Variants in ABCC11 observed in about 807,000 individuals in gnomAD.
ABCC11 encodes ATP binding cassette subfamily C member 11.
ABCC11 carries 135 observed loss-of-function variants against 149.3 expected under a neutral mutation model. The ratio of observed to expected loss-of-function variants is 0.90; its 90% confidence interval spans 0.79 to 1.04. The LOEUF is 1.04. ABCC11 is among the 50% of genes least tolerant of loss of function. The pLI, the probability that ABCC11 is intolerant of heterozygous loss-of-function variation, is 0.00. For missense variants in ABCC11, 1,680 were observed against 1,722.1 expected (o/e 0.98, Z 0.43); for synonymous variants, 665 against 671.4 (o/e 0.99, Z 0.15).
At chr16:48,230,316 G>A in intron 3 of ABCC11, 121 bp downstream of exon 3, 2 of 1,247,756 alleles carry the variant, frequency 1.6e-6, no homozygotes, top group Admixed American at 2.9e-5. Context: ...AGGCTGCTCT[G>A]AAGGGATTTG....
intron 20 of ABCC11, among the ~76,000 whole-genome samples, chr16:48,189,839 A>C (rs1302806195): frequency 6.6e-6 from 1 of 152,174 alleles, no homozygotes; most frequent in Non-Finnish European, 1.5e-5. Flanking sequence ...CCAAAGTTGA[A>C]ACACTTCATG....
At chr16:48,171,216 C>T (rs1302136444) in intron 26 of ABCC11, among the ~76,000 whole-genome samples, 2 of 152,218 alleles carry the variant, frequency 1.3e-5, no homozygotes, top group African/African-American at 2.4e-5. Flanking sequence ...AGGGCAGGCT[C>T]CACCATCCAC....
rs1191223420 is a variant in ABCC11 at position 48,192,782 on chromosome 16, T to C, written c.2509-65A>G. The C allele has an allele frequency of 2.0e-6, 3 of 1,519,166 alleles. No individual in the cohort carries two copies. In the East Asian group the frequency reaches 6.8e-5, roughly 34 times the overall value. The allele number at this position is 1,519,166 out of a possible 1,614,324, so 94.1% of individuals were successfully genotyped here. Reference sequence around the variant, plus strand: ...GGGAAATTCAGTGGCAGGGAAAGCCTTCTCCCTGGGGCCACGTGAGAATCT... The same window carrying C: ...GGGAAATTCAGTGGCAGGGAAAGCCCTCTCCCTGGGGCCACGTGAGAATCT... On this transcript the variant is annotated intron_variant, in intron 19 of 29. Coordinates refer to ENST00000356608, the MANE Select transcript of ABCC11 (RefSeq NM_001370497.1).
Position 48,210,960 on chromosome 16 carries a change from C to T in ABCC11, c.1596G>A (p.Leu532=). Reference sequence around the variant, plus strand: ...TGAACAAGGCTACCTTGGACACCACCAGGTTGATCTTGTGCAACTCTGGGC... The same window carrying T: ...TGAACAAGGCTACCTTGGACACCACTAGGTTGATCTTGTGCAACTCTGGGC... ...SLGPELHKIN[L]VVSKGMMLGV... Residue 532 remains leucine, a synonymous_variant, in exon 11 of 30, where the codon CTG becomes CTA. Coordinates refer to ENST00000356608, the MANE Select transcript of ABCC11 (RefSeq NM_001370497.1). 6.2e-7 allele frequency: 1 copy of T among 1,614,190 alleles called. No individual in the cohort carries two copies.
At chr16:48,172,023 C>A (rs942996510) in intron 26 of ABCC11, among the ~76,000 whole-genome samples, 2 of 152,068 alleles carry the variant, frequency 1.3e-5, no homozygotes, top group Non-Finnish European at 2.9e-5. Flanking sequence ...AAACTCTATA[C>A]CCATTAAACA....
chr16:48,175,394 G>C lies in ABCC11; in HGVS notation c.3562C>G (p.Leu1188Val), dbSNP rs1965987323. ...GSGKSSLGMA[L>V]FRLVEPMAGR... ...GCCATGGGCTCCACCAGGCGGAAGAGAGCCATGCCCAAGGAGGACTTCCCT... is the reference window on the plus strand; with the variant it reads ...GCCATGGGCTCCACCAGGCGGAAGACAGCCATGCCCAAGGAGGACTTCCCT... The change falls in exon 26 of 30, where the codon CTC becomes GTC. Residue 1188 changes from leucine (L) to valine (V), a missense_variant. Transcript: ENST00000356608. The C allele has an allele frequency of 1.2e-6, 2 of 1,611,842 alleles. No individual in the cohort carries two copies. The highest frequency in any genetic ancestry group is 1.7e-5 in the Admixed American group (1 of 59,962).
intron 17 of ABCC11, among the ~76,000 whole-genome samples, chr16:48,196,760 T>C (rs1967457594): frequency 6.6e-6 from 1 of 152,202 alleles, no homozygotes; most frequent in Non-Finnish European, 1.5e-5. Flanking sequence ...GAGATAATGC[T>C]TCACAAAACA....
intron 1 of ABCC11, among the ~76,000 whole-genome samples, chr16:48,241,633 G>A (rs1970974748): frequency 6.6e-6 from 1 of 152,184 alleles, no homozygotes; most frequent in Non-Finnish European, 1.5e-5. Flanking sequence ...CATGCTACCT[G>A]ACTTCAAACT....
chr16:48,231,869 T>C lies in ABCC11; in HGVS notation c.53A>G (p.Asn18Ser). Residue 18 changes from asparagine (N) to serine (S), a missense_variant, in exon 2 of 30, where the codon AAT becomes AGT. By Grantham distance (46) the Asn-to-Ser change is conservative (BLOSUM62 1). Transcript: ENST00000356608. ...WVPNSSGGLV[N>S]RGIDIGDDMV... ...GTCATCGCCTATGTCGATGCCACGA[T>C]TCACGAGGCCACCAGAAGAGTTGGG... The C allele has an allele frequency of 6.2e-7, 1 of 1,614,154 alleles. No homozygotes were observed. Among genetic ancestry groups the C allele is most frequent in the South Asian group, 1.1e-5 (1 of 91,080 alleles).
At chr16:48,203,434 G>T in intron 13 of ABCC11, 134 bp from the exon 14 acceptor site, 1 of 667,202 alleles carries the variant, frequency 1.5e-6, no homozygotes, top group Non-Finnish European at 2.4e-6. Context: ...GTATAACACT[G>T]AAGGCTTTTT....
intron 1 of ABCC11, chr16:48,244,569 C>T (rs1971234438): frequency 6.6e-7 from 1 of 1,522,130 alleles, no homozygotes. Flanking sequence ...GGGCGTCATC[C>T]CCAACACGCC....
intron 23 of ABCC11, among the ~76,000 whole-genome samples, chr16:48,181,184 C>T (rs1458212206): frequency 6.6e-6 from 1 of 152,170 alleles, no homozygotes; most frequent in Admixed American, 6.5e-5. Flanking sequence ...ATTCCGAATC[C>T]CCTAAGACAC....
chr16:48,200,653 C>T (rs373755942), intron 14 of ABCC11, among the ~76,000 whole-genome samples, 174 bp from the exon 15 acceptor site: 10 of 152,124 alleles, frequency 6.6e-5, no homozygotes, highest in African/African-American at 2.4e-4. Context: ...ATATATCTCA[C>T]TCATATGTGG....
chr16:48,177,209 C>T (rs1966138813), intron 24 of ABCC11, 96 bp from the exon 25 acceptor site: 1 of 1,260,616 alleles, frequency 7.9e-7, no homozygotes, highest in African/African-American at 1.5e-5. Flanking sequence ...GGGGTGTGAC[C>T]CACCCCAGCC....
intron 5 of ABCC11, chr16:48,223,448 A>T (rs1969877765): frequency 6.5e-6 from 1 of 154,786 alleles, no homozygotes; most frequent in South Asian, 2.0e-4. Context: ...TTAGGGGCAC[A>T]GGGCAGGATG....
At position 48,187,089 on chromosome 16, in the gene ABCC11, T is replaced by C. The variant is rs754590465; in HGVS notation, c.2935A>G (p.Met979Val). Reference protein sequence around the residue: ...IMVICFIYYMMFKKAIGVFKR... With the variant: ...IMVICFIYYMVFKKAIGVFKR... Reference sequence around the variant, plus strand: ...AACACACCGATGGCCTTCTTGAACATCCTGCATGGACAGTGGAGGTAAGGG... The same window carrying C: ...AACACACCGATGGCCTTCTTGAACACCCTGCATGGACAGTGGAGGTAAGGG... Residue 979 changes from methionine to valine, a missense_variant and splice_region_variant, in exon 22 of 30, where the codon ATG becomes GTG. Met to Val is a conservative substitution (Grantham distance 21, BLOSUM62 1). Coordinates refer to ENST00000356608, the MANE Select transcript of ABCC11 (RefSeq NM_001370497.1). The C allele has an allele frequency of 6.2e-7, 1 of 1,614,194 alleles. No homozygotes were observed.
chr16:48,178,620 C>A lies in ABCC11; in HGVS notation c.3325G>T (p.Glu1109Ter), dbSNP rs181009434. 1.4e-5 allele frequency: 23 copies of A among 1,614,166 alleles called. No individual in the cohort carries two copies. The highest frequency in any genetic ancestry group is 3.3e-5 in the Admixed American group (2 of 60,022). Residue 1109 changes from glutamate to a stop codon, truncating the protein, a stop_gained, in exon 24 of 30, where the codon GAG becomes TAG. Coordinates refer to ENST00000356608, the MANE Select transcript of ABCC11 (RefSeq NM_001370497.1). LOFTEE classifies it high-confidence loss of function. ...LETEAQFTAV[E>*]RILQYMKMCV... ...ACCTTCATGTACTGCAGTATCCTCT[C>A]TACAGCCGTGAACTGTGCCTCTGTC...
intron 12 of ABCC11, among the ~76,000 whole-genome samples, chr16:48,206,676 C>T (rs1295147705): frequency 6.6e-6 from 1 of 152,182 alleles, no homozygotes; most frequent in African/African-American, 2.4e-5. Context: ...CCACTGGGCA[C>T]GTAGGAGGTG....
At chr16:48,198,095 C>A in intron 16 of ABCC11, 28 bp from the exon 17 acceptor site, 1 of 1,614,160 alleles carries the variant, frequency 6.2e-7, no homozygotes. Flanking sequence ...GCCCTGAGTA[C>A]ACGTGCGTCC....
Sources: allele counts gnomAD v4.1 joint callset (sites outside exome capture counted in the v4.1 genomes callset), GRCh38; gene constraint gnomAD v4.1.1; transcripts MANE v1.5; gene names NCBI Gene and HGNC (gene_info 2026-07-23, HGNC 2026-07-21).